The following EMG1 variants were observed in gnomAD, a reference collection of about 807,000 sequenced individuals.
EMG1 encodes the protein EMG1 N1-specific pseudouridine methyltransferase.
Under a neutral mutation model 26.9 loss-of-function variants are expected in EMG1, and 24 were observed. That is an observed-to-expected ratio of 0.89 (90% CI 0.65 to 1.26). The LOEUF is 1.26. Among genes scored for constraint, EMG1 ranks in the 50% most tolerant of loss-of-function variants. The pLI is 0.00. For missense variants in EMG1, 299 were observed against 307.6 expected (o/e 0.97, Z 0.21); for synonymous variants, 140 against 112.6 (o/e 1.24, Z -1.54).
downstream of EMG1, chr12:6,981,580 T>A (rs782263726): frequency 1.2e-6 from 2 of 1,613,718 alleles, no homozygotes; most frequent in South Asian, 2.2e-5. Flanking sequence ...TCTCTGCCGA[T>A]GAATGGGTAC....
At chr12:6,983,608 T>C, downstream of EMG1, 1 of 995,180 alleles carries the variant, frequency 1.0e-6, no homozygotes, top group Non-Finnish European at 1.6e-6. Context: ...TTTGGAAGTT[T>C]ATCTGGCATG....
In EMG1 at chr12:6,979,545, G is replaced by C. The variant is rs1555153792; in HGVS notation, c.*3736G>C. The C allele has an allele frequency of 1.9e-6, 3 of 1,614,108 alleles. No homozygotes were observed. The highest frequency in any genetic ancestry group is 1.7e-5 in the Admixed American group (1 of 60,008). ...AGTGTGTAGCCCACTAGGTAGAAAA[G>C]GCCCAGACTCAGGCGCTTGAGAGCA... On this transcript the variant is annotated 3_prime_UTR_variant, in exon 6 of 6. Coordinates refer to ENST00000599672, the MANE Select transcript of EMG1 (RefSeq NM_006331.8).
chr12:6,977,433 G>A lies in EMG1; in HGVS notation c.*1624G>A. ...TGGAGTAACCCATGAAGAGCCAGTG[G>A]ATGGTCTGTTGCACCAAATAGTAGA... On this transcript the variant is annotated 3_prime_UTR_variant, in exon 6 of 6. Coordinates refer to ENST00000599672, the MANE Select transcript of EMG1 (RefSeq NM_006331.8). This position sits in a 1 kb window ranked among gnomAD's most constrained non-coding sequence, Gnocchi z 4.5. 6.2e-7 allele frequency: 1 copy of A among 1,614,200 alleles called. No homozygotes were observed. Among genetic ancestry groups the A allele is most frequent in the Non-Finnish European group, 8.5e-7 (1 of 1,180,040 alleles).
At chr12:6,988,592 C>A (rs1946552480), downstream of EMG1, among the ~76,000 whole-genome samples, 2 of 152,112 alleles carry the variant, frequency 1.3e-5, no homozygotes, top group African/African-American at 4.8e-5. Context: ...CCTGAAGAAT[C>A]TATAAAAAAT....
Position 6,977,085 on chromosome 12 carries a change from C to T in EMG1, c.*1276C>T. 2 of 1,146,426 alleles carry T rather than the reference C, an allele frequency of 1.7e-6. No individual in the cohort carries two copies. Among genetic ancestry groups the T allele is most frequent in the South Asian group, 2.5e-5 (2 of 80,416 alleles). 71.0% of individuals were successfully genotyped at this position (1,146,426 alleles called of 1,614,324 possible). ...ACTATTGTTTTTTTCCAGTCTGTTG[C>T]TCTATTCTGTAACCTGGTGGTAGTT... is the stretch of plus-strand genomic sequence containing the variant. On this transcript the variant is annotated 3_prime_UTR_variant, in exon 6 of 6. Transcript: ENST00000599672. This position sits in a 1 kb window ranked among gnomAD's most constrained non-coding sequence, Gnocchi z 4.5.
chr12:6,985,920 GC>G (rs1946521236), intron 6 of EMG1, among the ~76,000 whole-genome samples: 1 of 150,790 alleles, frequency 6.6e-6, no homozygotes, highest in Non-Finnish European at 1.5e-5. Context: ...GATTACAGGT[GC>G]CCGCCACCAT....
downstream of EMG1, chr12:6,981,580 T>C (rs782263726): frequency 1.1e-5 from 18 of 1,613,718 alleles, no homozygotes; most frequent in Non-Finnish European, 2.5e-6. Context: ...TCTCTGCCGA[T>C]GAATGGGTAC....
chr12:6,992,101 A>G (rs1335036469), downstream of EMG1, among the ~76,000 whole-genome samples: 1 of 152,086 alleles, frequency 6.6e-6, no homozygotes, highest in Non-Finnish European at 1.5e-5. Context: ...AAGGACTGAC[A>G]TTTGATACAA....
intron 2 of EMG1, 25 bp from the exon 3 acceptor site, chr12:6,974,527 A>G (rs1555152764): frequency 1.2e-6 from 2 of 1,612,060 alleles, no homozygotes; most frequent in South Asian, 1.1e-5. Context: ...AGCCTTAACC[A>G]TGTCTCGGTT....
At position 6,975,256 on chromosome 12, in the gene EMG1, T is replaced by C. The variant is rs183026884; in HGVS notation, c.499T>C (p.Phe167Leu). The C allele has an allele frequency of 1.9e-6, 3 of 1,613,816 alleles. No individual in the cohort carries two copies. The highest frequency in any genetic ancestry group is 1.3e-5 in the African/African-American group (1 of 75,084). Reference sequence around the variant, plus strand: ...AATTAAGAATCCAGTATCAGATCACTTTCCAGTTGGATGTATGAAAGTTGG... The same window carrying C: ...AATTAAGAATCCAGTATCAGATCACCTTCCAGTTGGATGTATGAAAGTTGG... ...KVIKNPVSDH[F>L]PVGCMKVGTS... Residue 167 changes from phenylalanine to leucine, a missense_variant, in exon 5 of 6, where the codon TTT (phenylalanine) becomes CTT (leucine). Transcript: ENST00000599672.
chr12:6,975,837 A>C lies in EMG1; in HGVS notation c.*28A>C, dbSNP rs782533933. 2.4e-5 allele frequency: 31 copies of C among 1,313,510 alleles called. No homozygotes were observed. In the Admixed American group the frequency reaches 5.2e-4, roughly 22 times the overall value. The allele number at this position is 1,313,510 out of a possible 1,614,324, so 81.4% of individuals were successfully genotyped here. On this transcript the variant is annotated 3_prime_UTR_variant, in exon 6 of 6. Coordinates refer to ENST00000599672, the MANE Select transcript of EMG1 (RefSeq NM_006331.8). ...GTAGTAGAACCTGTTCTGAAACCAG[A>C]AACTGTTGATGTCACATCCTTTGAC...
chr12:6,981,195 G>A, downstream of EMG1: 1 of 1,597,898 alleles, frequency 6.3e-7, no homozygotes, highest in Non-Finnish European at 8.5e-7. Context: ...ATGCCAAGAA[G>A]AGAATGCATG....
intron 1 of EMG1, among the ~76,000 whole-genome samples, chr12:6,971,699 G>A (rs1235793636): frequency 1.3e-5 from 2 of 152,176 alleles, no homozygotes; most frequent in South Asian, 2.1e-4. Flanking sequence ...CGTTCCTTGC[G>A]TCATTCCACA....
At chr12:6,985,176 G>GATCCGTGTTA (rs1398513386) in intron 6 of EMG1, among the ~76,000 whole-genome samples, 9 of 151,214 alleles carry the variant, frequency 6.0e-5, no homozygotes, top group Admixed American at 5.9e-4. Context: ...CGGATCATGA[G>GATCCGTGTTA]GACAGGAGAT....
intron 6 of EMG1, among the ~76,000 whole-genome samples, chr12:6,986,024 C>T (rs1255036459): frequency 2.0e-5 from 3 of 151,978 alleles, no homozygotes; most frequent in African/African-American, 7.2e-5. Context: ...ATCCACCTGC[C>T]TTGGCCTCCC....
rs1231926897 is a variant in EMG1, at chr12:6,975,792, G to A, written c.718G>A (p.Val240Ile). The change falls in exon 6 of 6, where the codon GTA (valine) becomes ATA (isoleucine). Residue 240 changes from valine to isoleucine, a missense_variant. Transcript: ENST00000599672. ...CAKLTTAFEEVWGVI is the reference protein window; with the variant it reads ...CAKLTTAFEEIWGVI ...AAAACTTACCACAGCCTTTGAGGAAGTATGGGGGGTCATTTGACAGTAGTA... is the reference window on the plus strand; with the variant it reads ...AAAACTTACCACAGCCTTTGAGGAAATATGGGGGGTCATTTGACAGTAGTA... 1 of 1,607,094 alleles carries A rather than the reference G, an allele frequency of 6.2e-7. No individual in the cohort carries two copies. Among genetic ancestry groups the A allele is most frequent in the African/African-American group, 1.3e-5 (1 of 74,800 alleles).
In EMG1 at chr12:6,976,885, A is replaced by G. The variant is rs1374133337; in HGVS notation, c.*1076A>G. On this transcript the variant is annotated 3_prime_UTR_variant, in exon 6 of 6. Transcript: ENST00000599672. ...AGTAGTTTCTGCACCAGTCCCGCAC[A>G]GGCCACCTGCAAGACAAGAGGAGTT... 6.8e-6 allele frequency: 3 copies of G among 439,702 alleles called. No individual in the cohort carries two copies. The highest frequency in any genetic ancestry group is 1.3e-5 in the Non-Finnish European group (3 of 236,972). 27.2% of individuals were successfully genotyped at this position (439,702 alleles called of 1,614,324 possible). A position where few individuals can be genotyped will look rare whatever the true frequency, so the allele number is the denominator to read the frequency against.
At chr12:6,983,626 G>T, downstream of EMG1, 1 of 783,562 alleles carries the variant, frequency 1.3e-6, no homozygotes. Flanking sequence ...ATGAAACGCA[G>T]CCCAGAGGGA....
chr12:6,977,519 T>C lies in EMG1; in HGVS notation c.*1710T>C, dbSNP rs1422960413. 1.5e-5 allele frequency: 25 copies of C among 1,614,056 alleles called. No homozygotes were observed. Among genetic ancestry groups the C allele is most frequent in the Non-Finnish European group, 2.0e-5 (24 of 1,180,042 alleles). ...AGGGTGGGGCTCTCTTGAATGAGCCTGGCAGCCTGGGGAGGGAGGAGGAGC... is the reference window on the plus strand; with the variant it reads ...AGGGTGGGGCTCTCTTGAATGAGCCCGGCAGCCTGGGGAGGGAGGAGGAGC... On this transcript the variant is annotated 3_prime_UTR_variant, in exon 6 of 6. Transcript: ENST00000599672. This position sits in a 1 kb window ranked among gnomAD's most constrained non-coding sequence, Gnocchi z 4.5.
Sources: gnomAD v4.1 joint callset for allele counts (sites outside exome capture counted in the v4.1 genomes callset) on GRCh38, gnomAD v4.1.1 for gene constraint, Gnocchi (gnomAD v3.1) non-coding constraint, MANE v1.5 for transcripts, NCBI Gene and HGNC (gene_info 2026-07-23, HGNC 2026-07-21) for gene names.